Variants in LPXN observed in about 807,000 individuals in gnomAD.
The protein encoded by LPXN is leupaxin.
LPXN carries 28 observed loss-of-function variants against 45.6 expected under a neutral mutation model. The ratio of observed to expected loss-of-function variants is 0.61; its 90% CI spans 0.45 to 0.84. The LOEUF (loss-of-function observed/expected upper bound fraction) is 0.84, where lower values mean the gene tolerates loss of function less well. Ranked by LOEUF, LPXN falls within the 40% of genes least tolerant of loss-of-function variation. The pLI, the probability that LPXN is intolerant of heterozygous loss-of-function variation, is 0.00. For missense variants in LPXN, 459 were observed against 475.0 expected (o/e 0.97, Z 0.31); for synonymous variants, 166 against 169.9 (o/e 0.98, Z 0.18).
In LPXN at chr11:58,564,180, T is replaced by C. The variant is rs1590577257; in HGVS notation, c.193A>G (p.Asn65Asp). 6.2e-7 allele frequency: 1 copy of C among 1,604,048 alleles called. No individual in the cohort carries two copies. Among genetic ancestry groups the C allele is most frequent in the Non-Finnish European group, 8.5e-7 (1 of 1,174,602 alleles). Residue 65 changes from asparagine to aspartate, a missense_variant, in exon 3 of 9, where the codon AAT becomes GAT. Asn to Asp is a conservative substitution (Grantham distance 23). Coordinates refer to ENST00000395074, the MANE Select transcript of LPXN (RefSeq NM_004811.3). ...PLPAQLVYTT[N>D]IQELNVYSEA... The stretch of plus-strand genomic sequence containing the variant: ...CTGTAGACATTGAGCTCCTGGATAT[T>C]GGTAGTATACACGAGCTGCGCCTAA...
At position 58,570,549 on chromosome 11, in the gene LPXN, A is replaced by C. The variant is rs762459208; in HGVS notation, c.171+7T>G. On this transcript the variant is annotated splice_region_variant and intron_variant, in intron 2 of 8. Coordinates refer to ENST00000395074, the MANE Select transcript of LPXN (RefSeq NM_004811.3). ...ATGTTTAAGGACTATAATAAATGAA[A>C]ATTTACCGGCAAGGGACTTGTGTTA... is the stretch of plus-strand genomic sequence containing the variant. The C allele has an allele frequency of 2.5e-6, 4 of 1,603,910 alleles. No individual in the cohort carries two copies. In the South Asian group the frequency reaches 4.5e-5, roughly 18 times the overall value.
chr11:58,578,285 C>T (rs778706306), upstream of LPXN: 2 of 424,670 alleles, frequency 4.7e-6, no homozygotes, highest in Non-Finnish European at 8.5e-6. Flanking sequence ...CTCTAGACTG[C>T]GGAAAGTAAA....
intron 7 of LPXN, 89 bp downstream of exon 7, chr11:58,549,697 C>A: frequency 9.3e-7 from 1 of 1,070,230 alleles, no homozygotes; most frequent in South Asian, 1.3e-5. Flanking sequence ...TGATAGGAAC[C>A]AGGACTCCCG....
intron 4 of LPXN, chr11:58,554,619 G>C: frequency 7.1e-6 from 3 of 421,400 alleles, no homozygotes; most frequent in Non-Finnish European, 1.3e-5. Context: ...ATCAAAGTCT[G>C]TATTATATAT....
chr11:58,551,120 A>C lies in LPXN; in HGVS notation c.431T>G (p.Ile144Ser). 6.2e-7 allele frequency: 1 copy of C among 1,608,888 alleles called. No individual in the cohort carries two copies. Among genetic ancestry groups the C allele is most frequent in the Non-Finnish European group, 8.5e-7 (1 of 1,177,628 alleles). ...ACAATGGCCCTTGGGCACTGTGGCA[A>C]TGCCAAGGTCCTGCAATTCCTGCTC... ...GLEQELQDLG[I>S]ATVPKGHCAS... Residue 144 changes from isoleucine to serine, a missense_variant, in exon 5 of 9, where the codon ATT becomes AGT. Transcript: ENST00000395074.
intron 8 of LPXN, 83 bp downstream of exon 8, chr11:58,527,960 C>A (rs1054568077): frequency 1.1e-5 from 16 of 1,468,922 alleles, no homozygotes; most frequent in Non-Finnish European, 1.3e-5. Context: ...GACTGTGAAC[C>A]CTTTCACTAA....
chr11:58,578,096 G>T (rs1476494175), upstream of LPXN: 1 of 1,541,528 alleles, frequency 6.5e-7, no homozygotes, highest in South Asian at 1.2e-5. Context: ...CCAAACCAAG[G>T]CAAGTCTGGG....
At chr11:58,555,660 AAAAAC>A (rs1854178041) in intron 3 of LPXN, among the ~76,000 whole-genome samples, 1 of 152,122 alleles carries the variant, frequency 6.6e-6, no homozygotes. Flanking sequence ...CCACTTAAGA[AAAAAC>A]AAAGCACTTC....
intron 7 of LPXN, among the ~76,000 whole-genome samples, chr11:58,536,039 G>A (rs1853543119): frequency 6.6e-6 from 1 of 152,192 alleles, no homozygotes; most frequent in Non-Finnish European, 1.5e-5. Context: ...AATATTCCAT[G>A]CTTCTGGATA....
intron 7 of LPXN, among the ~76,000 whole-genome samples, chr11:58,540,186 T>C (rs75381348): frequency 7.2e-5 from 11 of 152,126 alleles, no homozygotes; most frequent in Admixed American, 1.3e-4. Flanking sequence ...AACAGTATCA[T>C]GAGAAAGCAG....
chr11:58,563,619 C>T (rs1028411094), intron 3 of LPXN, among the ~76,000 whole-genome samples: 1 of 152,154 alleles, frequency 6.6e-6, no homozygotes, highest in African/African-American at 2.4e-5. Flanking sequence ...TCTGCTTTAG[C>T]CAGGAGAAAT....
chr11:58,578,181 C>T, upstream of LPXN: 1 of 1,207,512 alleles, frequency 8.3e-7, no homozygotes, highest in Non-Finnish European at 1.1e-6. Context: ...AAAACCCTCC[C>T]ATCAGACCAG....
chr11:58,549,108 T>C (rs1853959716), intron 7 of LPXN, among the ~76,000 whole-genome samples: 2 of 152,114 alleles, frequency 1.3e-5, no homozygotes, highest in African/African-American at 4.8e-5. Flanking sequence ...TTAAAACACA[T>C]AAGCAGGCCA....
intron 7 of LPXN, among the ~76,000 whole-genome samples, chr11:58,539,144 C>T (rs1341808716): frequency 6.6e-6 from 1 of 151,992 alleles, no homozygotes; most frequent in Non-Finnish European, 1.5e-5. Context: ...CCACTCTCTA[C>T]AAAAAATTTT....
upstream of LPXN, chr11:58,578,219 G>A (rs1854968718): frequency 2.5e-6 from 2 of 793,772 alleles, no homozygotes; most frequent in Non-Finnish European, 3.8e-6. Context: ...GAGCCCGGAT[G>A]TACGGCACGC....
chr11:58,571,656 T>A (rs2134356819), intron 1 of LPXN, among the ~76,000 whole-genome samples: 1 of 149,174 alleles, frequency 6.7e-6, no homozygotes, highest in Admixed American at 6.6e-5. Flanking sequence ...CTCTTTCAGT[T>A]TTTTTTCTTT....
At chr11:58,578,460 C>T (rs1854984189), upstream of LPXN, among the ~76,000 whole-genome samples, 1 of 152,208 alleles carries the variant, frequency 6.6e-6, no homozygotes, top group Non-Finnish European at 1.5e-5. Flanking sequence ...CTCGTTGCCC[C>T]CACAACCCCG....
intron 7 of LPXN, among the ~76,000 whole-genome samples, chr11:58,532,452 T>G (rs911084829): frequency 2.0e-5 from 3 of 152,234 alleles, no homozygotes; most frequent in African/African-American, 4.8e-5. Flanking sequence ...GCTAGAGGAT[T>G]GTAAATGCAC....
intron 7 of LPXN, among the ~76,000 whole-genome samples, chr11:58,529,372 A>T (rs917688486): frequency 6.6e-6 from 1 of 152,132 alleles, no homozygotes; most frequent in African/African-American, 2.4e-5. Flanking sequence ...GCACTTTGGG[A>T]GGCCGAGGCG....
Sources: allele counts gnomAD v4.1 joint callset (sites outside exome capture counted in the v4.1 genomes callset), GRCh38; gene constraint gnomAD v4.1.1; transcripts MANE v1.5; gene names NCBI Gene and HGNC (gene_info 2026-07-23, HGNC 2026-07-21).